Variants in TMEM114 observed in about 807,000 individuals in gnomAD.
TMEM114 encodes the protein transmembrane protein 114.
Under a neutral mutation model 6.2 loss-of-function variants are expected in TMEM114, and 6 were observed. That is an observed-to-expected ratio of 0.97 (90% confidence interval 0.53 to 1.91). TMEM114 has a LOEUF of 1.91. TMEM114 is among the 40% of genes most tolerant of loss of function. TMEM114 has a pLI of 0.01. For synonymous variants in TMEM114, 104 were observed against 73.0 expected, an observed-to-expected ratio of 1.42 and a Z score of -2.16; for missense variants, 218 against 158.3, an observed-to-expected ratio of 1.38 and a Z score of -2.02.
At chr16:8,549,655 G>T (rs1047279576) in intron 2 of TMEM114, among the ~76,000 whole-genome samples, 1 of 152,040 alleles carries the variant, frequency 6.6e-6, no homozygotes, top group Non-Finnish European at 1.5e-5. Context: ...GTGAAAGATG[G>T]TTGTAATAGG....
At chr16:8,589,169 T>C (rs1380033070) in intron 2 of TMEM114, 44 bp downstream of exon 2, 6 of 398,564 alleles carry the variant, frequency 1.5e-5, no homozygotes, top group Non-Finnish European at 2.2e-5. Context: ...AACTCACGGC[T>C]AGGACCGGGG....
At chr16:8,552,564 C>T (rs1460882739) in intron 2 of TMEM114, among the ~76,000 whole-genome samples, 1 of 151,932 alleles carries the variant, frequency 6.6e-6, no homozygotes, top group African/African-American at 2.4e-5. Flanking sequence ...AACAGTATTG[C>T]AATGTGGATT....
At chr16:8,545,747 A>C (rs1188723804) in intron 2 of TMEM114, among the ~76,000 whole-genome samples, 1 of 152,126 alleles carries the variant, frequency 6.6e-6, no homozygotes, top group Non-Finnish European at 1.5e-5. Flanking sequence ...CAACTATATT[A>C]CCATTTCATT....
intron 2 of TMEM114, among the ~76,000 whole-genome samples, chr16:8,548,082 G>C (rs746822989): frequency 6.6e-6 from 1 of 152,148 alleles, no homozygotes; most frequent in African/African-American, 2.4e-5. Context: ...CTCCTGGAAC[G>C]GCTGCAAGCA....
chr16:8,527,000 G>C, the TMEM114 span, among the ~76,000 whole-genome samples: 1 of 152,180 alleles, frequency 6.6e-6, no homozygotes, highest in East Asian at 1.9e-4. Context: ...CTGAGGTCAG[G>C]AGCTCAAGAC....
At chr16:8,554,063 G>C (rs1207280508) in intron 2 of TMEM114, among the ~76,000 whole-genome samples, 1 of 152,032 alleles carries the variant, frequency 6.6e-6, no homozygotes, top group Admixed American at 6.6e-5. Flanking sequence ...GTTTTTTGTA[G>C]AGACAGGGTT....
At chr16:8,534,089 A>G (rs529517860), downstream of TMEM114, among the ~76,000 whole-genome samples, 147 of 152,330 alleles carry the variant, frequency 9.7e-4, no homozygotes, top group Middle Eastern at 3.4e-3. Flanking sequence ...CAGCCTTGCC[A>G]TGAGAGCAAG....
chr16:8,553,099 G>C (rs939447515), intron 2 of TMEM114, among the ~76,000 whole-genome samples: 38 of 152,278 alleles, frequency 2.5e-4, no homozygotes, highest in Non-Finnish European at 5.6e-4. Context: ...CCCTTTGCTT[G>C]GCGAAGAGGC....
At chr16:8,549,628 T>G (rs181686796) in intron 2 of TMEM114, among the ~76,000 whole-genome samples, 1 of 151,802 alleles carries the variant, frequency 6.6e-6, no homozygotes. Flanking sequence ...TTTTCCTTCG[T>G]GTGTGTGTGT....
At chr16:8,538,622 C>T (rs1596464419) in intron 2 of TMEM114, among the ~76,000 whole-genome samples, 1 of 152,070 alleles carries the variant, frequency 6.6e-6, no homozygotes, top group Admixed American at 6.5e-5. Context: ...ATTCTCTTGC[C>T]TCAGCCTCCC....
At chr16:8,556,669 T>A (rs1462476203) in intron 2 of TMEM114, among the ~76,000 whole-genome samples, 5 of 151,998 alleles carry the variant, frequency 3.3e-5, no homozygotes, top group African/African-American at 1.2e-4. Context: ...ACATGGCTAA[T>A]TTTTTGTATT....
At chr16:8,563,325 A>ATGAGTGATTGAATGAG (rs1277629390) in intron 2 of TMEM114, among the ~76,000 whole-genome samples, 2 of 115,788 alleles carry the variant, frequency 1.7e-5, no homozygotes, top group Non-Finnish European at 3.7e-5. Flanking sequence ...GAGGGAGGGT[A>ATGAGTGATTGAATGAG]TGAGTGAGTG....
chr16:8,534,399 A>G (rs7200585), downstream of TMEM114, among the ~76,000 whole-genome samples: 88,821 of 151,714 alleles, frequency 0.59, 26,042 homozygotes, highest in South Asian at 0.68. Context: ...ATCACTTATC[A>G]TACTCCTACA....
intron 2 of TMEM114, among the ~76,000 whole-genome samples, chr16:8,580,660 C>T (rs994597548): frequency 2.0e-5 from 3 of 152,202 alleles, no homozygotes; most frequent in Non-Finnish European, 4.4e-5. Flanking sequence ...ACATATTCCT[C>T]AAATTCTACA....
At chr16:8,556,311 G>T (rs953043119) in intron 2 of TMEM114, among the ~76,000 whole-genome samples, 1 of 152,068 alleles carries the variant, frequency 6.6e-6, no homozygotes, top group African/African-American at 2.4e-5. Context: ...ATCCTTCTAG[G>T]GCACAAAAGT....
intron 2 of TMEM114, among the ~76,000 whole-genome samples, chr16:8,538,352 T>C (rs1002816451): frequency 1.3e-5 from 2 of 151,726 alleles, no homozygotes; most frequent in African/African-American, 4.8e-5. Flanking sequence ...TTGATGGTGC[T>C]GGTTGTGCTG....
At chr16:8,552,542 T>A (rs933940149) in intron 2 of TMEM114, among the ~76,000 whole-genome samples, 2 of 152,106 alleles carry the variant, frequency 1.3e-5, no homozygotes, top group African/African-American at 2.4e-5. Flanking sequence ...AGATAAGATC[T>A]GTAGTTTAAC....
chr16:8,577,094 T>G (rs551601785), intron 2 of TMEM114, among the ~76,000 whole-genome samples: 1 of 152,332 alleles, frequency 6.6e-6, no homozygotes, highest in East Asian at 1.9e-4. Flanking sequence ...TCAGAGGAGC[T>G]GCCTCAATGA....
chr16:8,529,637 G>T, the TMEM114 span, among the ~76,000 whole-genome samples: 10 of 151,812 alleles, frequency 6.6e-5, no homozygotes, highest in Admixed American at 3.3e-4. Context: ...TAGCTTCATT[G>T]GTGTTTCTCA....
Sources: gnomAD v4.1 joint callset for allele counts (sites outside exome capture counted in the v4.1 genomes callset) on GRCh38, gnomAD v4.1.1 for gene constraint, MANE v1.5 for transcripts, NCBI Gene and HGNC (gene_info 2026-07-23, HGNC 2026-07-21) for gene names.